Variants in KLKB1 observed in about 807,000 individuals in gnomAD.
KLKB1 encodes kallikrein B1, also known as plasma kallikrein.
A neutral mutation model predicts 73.6 loss-of-function variants in KLKB1; 58 were observed. The observed-to-expected ratio is 0.79, with a 90% confidence interval of 0.64 to 0.98. KLKB1 has a LOEUF of 0.98. KLKB1 is among the 50% of genes least tolerant of loss of function. The pLI is 0.00. For missense variants in KLKB1, 737 were observed against 763.8 expected (o/e 0.96, Z 0.41); for synonymous variants, 280 against 258.1 (o/e 1.08, Z -0.81).
chr4:186,252,104 A>G lies in KLKB1; in HGVS notation c.1232A>G (p.Lys411Arg), dbSNP rs745625483. Residue 411 changes from lysine (K) to arginine (R), a missense_variant, in exon 11 of 15, where the codon AAG becomes AGG. Transcript: ENST00000264690. ...CCCTGGCAGGTGAGCCTGCAGGTGA[A>G]GCTGACAGCTCAGAGGCACCTGTGT... ...EWPWQVSLQV[K>R]LTAQRHLCGG... 3.1e-6 allele frequency: 5 copies of G among 1,614,066 alleles called. No individual in the cohort carries two copies. The highest frequency in any genetic ancestry group is 4.2e-6 in the Non-Finnish European group (5 of 1,180,022).
upstream of KLKB1, among the ~76,000 whole-genome samples, chr4:186,226,041 G>C (rs1218176099): frequency 3.3e-5 from 5 of 151,656 alleles, no homozygotes; most frequent in African/African-American, 1.2e-4. Context: ...CTAGTCTGCT[G>C]CTGAAGCTGT....
chr4:186,224,575 G>A (rs1737111846), upstream of KLKB1, among the ~76,000 whole-genome samples: 1 of 152,126 alleles, frequency 6.6e-6, no homozygotes, highest in Admixed American at 6.5e-5. Flanking sequence ...CCTTTATTTT[G>A]GCCAATTTCT....
chr4:186,250,505 T>C, intron 7 of KLKB1, 103 bp downstream of exon 7: 2 of 1,350,542 alleles, frequency 1.5e-6, no homozygotes, highest in South Asian at 2.4e-5. Context: ...AAAAGTTTCG[T>C]TCATTTCCCT....
At chr4:186,238,186 A>AATG (rs1737796626) in intron 5 of KLKB1, 70 bp from the exon 6 acceptor site, 1 of 965,772 alleles carries the variant, frequency 1.0e-6, no homozygotes, top group African/African-American at 1.6e-5. Context: ...TTTAATACTA[A>AATG]CTGTTACCTG....
At position 186,254,599 on chromosome 4, in the gene KLKB1, A is replaced by C. The variant is rs4253316; in HGVS notation, c.1325A>C (p.Gln442Pro). Residue 442 changes from glutamine (Q) to proline (P), a missense_variant, in exon 12 of 15, where the codon CAG becomes CCG. Transcript: ENST00000264690. Reference protein sequence around the residue: ...AAHCFDGLPLQDVWRIYSGIL... With the variant: ...AAHCFDGLPLPDVWRIYSGIL... ...TTTTTCTCTCCTAGGCTTCCCCTGC[A>C]GGATGTTTGGCGCATCTATAGTGGC... is the stretch of plus-strand genomic sequence containing the variant. The C allele has an allele frequency of 4.0e-3, 6,527 of 1,613,968 alleles. 18 individuals are homozygous for C. Among genetic ancestry groups the C allele is most frequent in the Non-Finnish European group, 4.9e-3 (5,831 of 1,179,808 alleles).
At chr4:186,223,474 C>A (rs138872190), upstream of KLKB1, among the ~76,000 whole-genome samples, 5 of 152,276 alleles carry the variant, frequency 3.3e-5, no homozygotes, top group East Asian at 9.7e-4. Context: ...AGACGAGAAA[C>A]TATTGGGAAC....
rs994768815 is a variant in KLKB1 at position 186,210,923 on chromosome 4, A to C, written c.201+1651A>C. The C allele has an allele frequency of 2.2e-4, 66 of 302,762 alleles. 2 individuals carry two copies. The East Asian group carries it at 5.4e-3, about 25-fold the overall frequency. 18.8% of individuals were successfully genotyped at this position (302,762 alleles called of 1,614,324 possible). On this transcript the variant is annotated intron_variant, in intron 2 of 14. Transcript: ENST00000511608. Reference sequence around the variant, plus strand: ...GTGATCTCAGCTCACTGCAACCTCCACCTCCCAGGTTCAAGCAATTCTTCT... The same window carrying C: ...GTGATCTCAGCTCACTGCAACCTCCCCCTCCCAGGTTCAAGCAATTCTTCT...
In KLKB1 at chr4:186,236,851, T is replaced by C. The variant is rs1380209491; in HGVS notation, c.399T>C (p.Ser133=). Residue 133 remains serine (S), a synonymous_variant, in exon 5 of 15, where the codon AGT becomes AGC. Transcript: ENST00000264690. ...ATTTTAATGTGTCTAAGGTTAGCAG[T>C]GTTGAAGAATGCCAAAAAAGGTGCA... The part of the protein sequence containing the change: ...GVNFNVSKVS[S]VEECQKRCTS... 1.9e-6 allele frequency: 3 copies of C among 1,613,978 alleles called. No homozygotes were observed. The highest frequency in any genetic ancestry group is 1.3e-5 in the African/African-American group (1 of 75,036).
chr4:186,254,839 C>A, intron 12 of KLKB1, 76 bp downstream of exon 12: 1 of 1,324,220 alleles, frequency 7.6e-7, no homozygotes, highest in Non-Finnish European at 1.1e-6. Context: ...AACAAGAGGG[C>A]AGACCTAGAG....
At chr4:186,236,572 C>T (rs980823274) in intron 4 of KLKB1, among the ~76,000 whole-genome samples, 4 of 152,062 alleles carry the variant, frequency 2.6e-5, no homozygotes, top group Admixed American at 6.5e-5. Context: ...AAAGCTAGTG[C>T]TTTAGGGAAA....
intron 6 of KLKB1, among the ~76,000 whole-genome samples, chr4:186,244,995 G>T (rs571927365): frequency 2.0e-5 from 3 of 152,210 alleles, no homozygotes; most frequent in East Asian, 1.9e-4. Flanking sequence ...TGTGAAGGAG[G>T]CTTTGAACTG....
chr4:186,254,908 T>C, intron 12 of KLKB1, 145 bp downstream of exon 12: 1 of 682,752 alleles, frequency 1.5e-6, no homozygotes, highest in Non-Finnish European at 2.5e-6. Flanking sequence ...TGCTGGGAAG[T>C]GAAGACCCCG....
chr4:186,242,207 C>T (rs1332858261), intron 6 of KLKB1, among the ~76,000 whole-genome samples: 2 of 152,246 alleles, frequency 1.3e-5, no homozygotes, highest in East Asian at 3.9e-4. Flanking sequence ...AGGAATTTCA[C>T]AAGGTAACGT....
At position 186,251,558 on chromosome 4, in the gene KLKB1, G is replaced by A. The variant is rs771385385; in HGVS notation, c.940G>A (p.Gly314Arg). 1.9e-6 allele frequency: 3 copies of A among 1,613,900 alleles called. No homozygotes were observed. The highest frequency in any genetic ancestry group is 1.3e-5 in the African/African-American group (1 of 74,926). Residue 314 changes from glycine (G) to arginine (R), a missense_variant, in exon 9 of 15, where the codon GGA becomes AGA. By Grantham distance (125) the Gly-to-Arg change is moderately radical. Coordinates refer to ENST00000264690, the MANE Select transcript of KLKB1 (RefSeq NM_000892.5). Reference sequence around the variant, plus strand: ...AGAATTGAATGTGACTTTTGTTAAAGGAGTGAATGTTTGCCAAGAGACTTG... The same window carrying A: ...AGAATTGAATGTGACTTTTGTTAAAAGAGTGAATGTTTGCCAAGAGACTTG... ...GEELNVTFVK[G>R]VNVCQETCTK...
chr4:186,220,678 C>T (rs1250419198), intron 2 of KLKB1, among the ~76,000 whole-genome samples: 1 of 152,150 alleles, frequency 6.6e-6, no homozygotes, highest in East Asian at 1.9e-4. Flanking sequence ...GATCATGATC[C>T]TTTTAATGTG....
intron 2 of KLKB1, chr4:186,210,861 T>G (rs1195129787): frequency 5.9e-6 from 3 of 504,680 alleles, no homozygotes; most frequent in Non-Finnish European, 1.0e-5. Context: ...TGAAACCGTG[T>G]CTCACTCTGT....
intron 2 of KLKB1, among the ~76,000 whole-genome samples, chr4:186,218,978 G>A (rs1023944184): frequency 3.3e-5 from 5 of 152,150 alleles, no homozygotes; most frequent in African/African-American, 1.2e-4. Flanking sequence ...CAAACCACTG[G>A]TGTAACTCCA....
Position 186,228,191 on chromosome 4 carries a change from T to C in KLKB1, c.-1-4T>C, listed in dbSNP as rs1737235917. 4 of 1,524,576 alleles carry C rather than the reference T, an allele frequency of 2.6e-6. No homozygotes were observed. Among genetic ancestry groups the C allele is most frequent in the Admixed American group, 1.7e-5 (1 of 59,782 alleles). 94.4% of individuals were successfully genotyped at this position (1,524,576 alleles called of 1,614,324 possible). A position where few individuals can be genotyped will look rare whatever the true frequency, so the allele number is the denominator to read the frequency against. ...GCAGAGTTATGTATTGTTTTCTTTT[T>C]TAGAATGATTTTATTCAAGCAAGCA... On this transcript the variant is annotated splice_region_variant and splice_polypyrimidine_tract_variant and intron_variant, in intron 1 of 14. Coordinates refer to ENST00000264690, the MANE Select transcript of KLKB1 (RefSeq NM_000892.5).
intron 2 of KLKB1, among the ~76,000 whole-genome samples, chr4:186,228,704 C>G (rs1737260722): frequency 6.6e-6 from 1 of 152,124 alleles, no homozygotes; most frequent in Non-Finnish European, 1.5e-5. Flanking sequence ...GCTAGGGAAC[C>G]ATTTCAAAAA....
Sources: allele counts gnomAD v4.1 joint callset (sites outside exome capture counted in the v4.1 genomes callset), GRCh38; gene constraint gnomAD v4.1.1; transcripts MANE v1.5; gene names NCBI Gene and HGNC (gene_info 2026-07-23, HGNC 2026-07-21).